Variants in AGTRAP observed in about 807,000 individuals in gnomAD.
The protein encoded by AGTRAP is angiotensin II receptor associated protein.
Under a neutral mutation model 15.2 loss-of-function variants are expected in AGTRAP, and 7 were observed. The observed-to-expected ratio is 0.46, with a 90% confidence interval of 0.26 to 0.87. The LOEUF (loss-of-function observed/expected upper bound fraction) is 0.87, where lower values mean the gene tolerates loss of function less well. Ranked by LOEUF, AGTRAP falls within the 40% of genes least tolerant of loss-of-function variation. The pLI, the probability that AGTRAP is intolerant of heterozygous loss-of-function variation, is 0.15. For synonymous variants in AGTRAP, 74 were observed against 89.6 expected, an observed-to-expected ratio of 0.83 and a Z score of 0.98; for missense variants, 187 against 213.4, an observed-to-expected ratio of 0.88 and a Z score of 0.77.
intron 1 of AGTRAP, chr1:11,744,507 G>A (rs1417955340): frequency 1.4e-6 from 1 of 714,124 alleles, no homozygotes; most frequent in East Asian, 2.7e-5. Context: ...AGCCACAACA[G>A]CTGCTTTCCC....
intron 1 of AGTRAP, among the ~76,000 whole-genome samples, chr1:11,738,292 C>T (rs1454116491): frequency 2.6e-5 from 4 of 152,142 alleles, no homozygotes; most frequent in Non-Finnish European, 4.4e-5. Flanking sequence ...GGCAGTGGTG[C>T]CAGGTGAGAA....
chr1:11,736,310 G>T, intron 1 of AGTRAP, 75 bp downstream of exon 1: 1 of 1,564,330 alleles, frequency 6.4e-7, no homozygotes, highest in Non-Finnish European at 8.7e-7. Flanking sequence ...AAGGTGGGAG[G>T]AAGGACCGGA....
chr1:11,742,495 TCTTC>T (rs1451723656), intron 1 of AGTRAP, among the ~76,000 whole-genome samples: 1 of 151,766 alleles, frequency 6.6e-6, no homozygotes, highest in Non-Finnish European at 1.5e-5. Context: ...TTTCTTTCTT[TCTTC>T]CTTCTCTTTC....
At chr1:11,750,041 T>A in intron 4 of AGTRAP, 36 bp from the exon 5 acceptor site, 1 of 1,556,986 alleles carries the variant, frequency 6.4e-7, no homozygotes, top group Non-Finnish European at 8.8e-7. Context: ...TTCTCACCCT[T>A]CATTTTTCTT....
intron 4 of AGTRAP, among the ~76,000 whole-genome samples, chr1:11,749,706 G>A (rs1310342392): frequency 2.6e-5 from 4 of 152,318 alleles, no homozygotes; most frequent in East Asian, 3.9e-4. Context: ...TCCTAAGCAC[G>A]TGCTGCCTGG....
intron 1 of AGTRAP, among the ~76,000 whole-genome samples, chr1:11,742,643 A>G (rs1439404169): frequency 1.3e-5 from 2 of 151,702 alleles, no homozygotes; most frequent in Non-Finnish European, 2.9e-5. Flanking sequence ...TGATTCTCCC[A>G]CCTCAGCCTC....
chr1:11,750,098 A>G lies in AGTRAP; in HGVS notation c.386A>G (p.Asp129Gly). 3 of 1,613,906 alleles carry G rather than the reference A, an allele frequency of 1.9e-6. No homozygotes were observed. In the African/African-American group the frequency reaches 4.0e-5, roughly 22 times the overall value. The stretch of plus-strand genomic sequence containing the variant: ...CTAGGTTTCCTTGGGTCTTCTCAGG[A>G]CCGTAGTGCCTACCAGACGATTGAC... Reference protein sequence around the residue: ...VHTGFLGSSQDRSAYQTIDSA... With the variant: ...VHTGFLGSSQGRSAYQTIDSA... Residue 129 changes from aspartate (D) to glycine (G), a missense_variant, in exon 5 of 5, where the codon GAC becomes GGC. Asp to Gly is a moderately conservative substitution (Grantham distance 94, BLOSUM62 -1). Transcript: ENST00000314340.
In AGTRAP at chr1:11,750,513, G is replaced by A; in HGVS notation, c.*321G>A. On this transcript the variant is annotated 3_prime_UTR_variant, in exon 5 of 5. Coordinates refer to ENST00000314340, the MANE Select transcript of AGTRAP (RefSeq NM_020350.5). ...TCCTGCCTGAGTGTTGCAAGCTCAG[G>A]CCTTTAAGGACTGCTGATGCCCCCT... 1.7e-6 allele frequency: 1 copy of A among 577,848 alleles called. No homozygotes were observed. The highest frequency in any genetic ancestry group is 3.1e-6 in the Non-Finnish European group (1 of 324,446). The allele number at this position is 577,848 out of a possible 1,614,324, so 35.8% of individuals were successfully genotyped here.
chr1:11,738,037 T>G (rs926296783), intron 1 of AGTRAP, among the ~76,000 whole-genome samples: 2 of 152,204 alleles, frequency 1.3e-5, no homozygotes, highest in African/African-American at 4.8e-5. Flanking sequence ...TATTAACAAA[T>G]TATTCATGAT....
chr1:11,749,407 G>C (rs1324639633), intron 4 of AGTRAP, among the ~76,000 whole-genome samples: 1 of 152,012 alleles, frequency 6.6e-6, no homozygotes, highest in African/African-American at 2.4e-5. Flanking sequence ...GCTGACCTCA[G>C]CACTGCCTGG....
Position 11,738,404 on chromosome 1 carries a change from T to C in AGTRAP, c.27+2169T>C, listed in dbSNP as rs150827319. ...CTGAGCTGCAAGAATGACATTGTGA[T>C]GAGCTTAGAAAGGACTGGACTAGGG... On this transcript the variant is annotated intron_variant, in intron 1 of 4. Transcript: ENST00000314340. 3.0e-4 allele frequency among the ~76,000 whole-genome samples: 45 copies of C among 152,248 alleles called. 1 individual carries two copies. The highest frequency in any genetic ancestry group is 1.1e-3 in the African/African-American group (44 of 41,574).
At position 11,750,379 on chromosome 1, in the gene AGTRAP, C is replaced by T; in HGVS notation, c.*187C>T. On this transcript the variant is annotated 3_prime_UTR_variant, in exon 5 of 5. Transcript: ENST00000314340. ...GTACCATGCACACTCCTGTCCCGAA[C>T]TCCCTGAGGCCTCCCCTCCCTTCAG... 1 of 646,620 alleles carries T rather than the reference C, an allele frequency of 1.5e-6. No homozygotes were observed. The highest frequency in any genetic ancestry group is 2.8e-6 in the Non-Finnish European group (1 of 358,206). 40.1% of individuals were successfully genotyped at this position (646,620 alleles called of 1,614,324 possible).
Position 11,745,529 on chromosome 1 carries a change from A to AT in AGTRAP, c.28-273dup, listed in dbSNP as rs1348984752. ...ATTCAAGATGGAATTGCTCTGGTTCATACGCCTCTGACGCTTGGAAGGGGT... is the reference window on the plus strand; with the variant it reads ...ATTCAAGATGGAATTGCTCTGGTTCATTACGCCTCTGACGCTTGGAAGGGGT... On this transcript the variant is annotated intron_variant, in intron 1 of 4. Coordinates refer to ENST00000314340, the MANE Select transcript of AGTRAP (RefSeq NM_020350.5). This position sits in a 1 kb window ranked among gnomAD's most constrained non-coding sequence, Gnocchi z 4.2. Among the ~76,000 whole-genome samples the AT allele has an allele frequency of 6.6e-6, 1 of 152,132 alleles. No individual in the cohort carries two copies. Among genetic ancestry groups the AT allele is most frequent in the African/African-American group, 2.4e-5 (1 of 41,416 alleles).
rs774325451 is a variant in AGTRAP, at chr1:11,747,445, G to T, written c.68G>T (p.Cys23Phe). ...LGHWLLTTWG[C>F]IVFSGSYAWA... ...TGAGCTACCTCTTCCTACAGGGGCT[G>T]CATTGTATTCTCAGGCTCCTATGCC... is the stretch of plus-strand genomic sequence containing the variant. The change falls in exon 3 of 5, where the codon TGC becomes TTC. Residue 23 changes from cysteine to phenylalanine, a missense_variant. Coordinates refer to ENST00000314340, the MANE Select transcript of AGTRAP (RefSeq NM_020350.5). The T allele has an allele frequency of 1.2e-6, 2 of 1,614,096 alleles. No homozygotes were observed. The highest frequency in any genetic ancestry group is 4.5e-5 in the East Asian group (2 of 44,884).
Position 11,747,538 on chromosome 1 carries a change from T to A in AGTRAP, c.161T>A (p.Ile54Lys). 1 of 1,613,870 alleles carries A rather than the reference T, an allele frequency of 6.2e-7. No homozygotes were observed. Among genetic ancestry groups the A allele is most frequent in the Non-Finnish European group, 8.5e-7 (1 of 1,179,952 alleles). ...AVAQRDSIDA[I>K]SMFLGGLLAT... ...GCTCAGCGGGACTCCATCGACGCCA[T>A]AAGCATGGTGAGCCAGGGTGGGGGA... Residue 54 changes from isoleucine (I) to lysine (K), a missense_variant, in exon 3 of 5, where the codon ATA (isoleucine) becomes AAA (lysine). Physicochemically the swap from Ile to Lys is moderately radical, Grantham distance 102 (BLOSUM62 -3). Coordinates refer to ENST00000314340, the MANE Select transcript of AGTRAP (RefSeq NM_020350.5).
intron 2 of AGTRAP, 200 bp downstream of exon 2, chr1:11,746,037 C>A: frequency 7.2e-7 from 1 of 1,380,404 alleles, no homozygotes; most frequent in Non-Finnish European, 1.0e-6. Flanking sequence ...CGTGGAAGTG[C>A]TCATCAGAGC....
Position 11,745,461 on chromosome 1 carries a change from G to A in AGTRAP, c.28-342G>A, listed in dbSNP as rs533206283. On this transcript the variant is annotated intron_variant, in intron 1 of 4. Transcript: ENST00000314340. The surrounding 1 kb of genome is among the most constrained non-coding windows in gnomAD (Gnocchi z 4.2). The stretch of plus-strand genomic sequence containing the variant: ...GACTTAGAATGCCTTAACCATCTGG[G>A]AATGCAGCCCACTAGGTTTCAGCCT... Among the ~76,000 whole-genome samples the A allele has an allele frequency of 2.0e-5, 3 of 152,154 alleles. No homozygotes were observed. The highest frequency in any genetic ancestry group is 4.4e-5 in the Non-Finnish European group (3 of 68,022).
chr1:11,746,204 C>T (rs756774043), intron 2 of AGTRAP: 2 of 1,611,678 alleles, frequency 1.2e-6, no homozygotes, highest in Non-Finnish European at 1.7e-6. Flanking sequence ...CTTCGAAGTG[C>T]AGCGCACAGG....
At chr1:11,748,656 C>T (rs1181215701) in intron 4 of AGTRAP, 46 bp downstream of exon 4, 1 of 1,571,376 alleles carries the variant, frequency 6.4e-7, no homozygotes, top group African/African-American at 1.3e-5. Flanking sequence ...CCCTTCTCTC[C>T]CTTGCCTGGC....
Sources: gnomAD v4.1 joint callset for allele counts (sites outside exome capture counted in the v4.1 genomes callset) on GRCh38, gnomAD v4.1.1 for gene constraint, Gnocchi (gnomAD v3.1) non-coding constraint, MANE v1.5 for transcripts, NCBI Gene and HGNC (gene_info 2026-07-23, HGNC 2026-07-21) for gene names.